The following RIMS2 variants were observed in gnomAD, a reference collection of about 807,000 sequenced individuals.
RIMS2 encodes regulating synaptic membrane exocytosis 2, also known as regulating synaptic membrane exocytosis protein 2.
Under a neutral mutation model 174.4 loss-of-function variants are expected in RIMS2, and 59 were observed. The ratio of observed to expected loss-of-function variants is 0.34; its 90% CI spans 0.27 to 0.42. The LOEUF is 0.42. RIMS2 is among the 10% of genes least tolerant of loss of function. RIMS2 has a pLI of 1.00. For missense variants in RIMS2, 1,620 were observed against 1,666.3 expected (o/e 0.97, Z 0.48); for synonymous variants, 606 against 572.5 (o/e 1.06, Z -0.84).
At chr8:103,717,820 T>C (rs2097392762) in intron 2 of RIMS2, among the ~76,000 whole-genome samples, 1 of 152,218 alleles carries the variant, frequency 6.6e-6, no homozygotes, top group Admixed American at 6.5e-5. Flanking sequence ...TCAGCAATGA[T>C]GAAAATGTTT....
chr8:104,080,957 C>T (rs2097406285), intron 19 of RIMS2, among the ~76,000 whole-genome samples: 1 of 151,982 alleles, frequency 6.6e-6, no homozygotes, highest in South Asian at 2.1e-4. Flanking sequence ...GTGGAAACAT[C>T]TCTATAGCAC....
intron 1 of RIMS2, among the ~76,000 whole-genome samples, chr8:103,526,813 G>A (rs914675830): frequency 2.6e-5 from 4 of 152,116 alleles, no homozygotes; most frequent in Non-Finnish European, 5.9e-5. Flanking sequence ...AGTTTCAGAA[G>A]GAGAGAAGGA....
At chr8:104,047,402 A>G (rs2096713358) in intron 19 of RIMS2, among the ~76,000 whole-genome samples, 1 of 152,156 alleles carries the variant, frequency 6.6e-6, no homozygotes, top group Admixed American at 6.5e-5. Context: ...TATTGGTCTG[A>G]GAAGCAGTAT....
chr8:103,608,037 C>A (rs574019848), intron 1 of RIMS2, among the ~76,000 whole-genome samples: 1 of 148,340 alleles, frequency 6.7e-6, no homozygotes, highest in Non-Finnish European at 1.5e-5. Context: ...TGTTCCGTTG[C>A]TGGTGAGGAA....
chr8:104,134,493 G>T (rs968379374), intron 19 of RIMS2, among the ~76,000 whole-genome samples: 3 of 152,150 alleles, frequency 2.0e-5, no homozygotes, highest in Non-Finnish European at 2.9e-5. Flanking sequence ...TCGATTGAAA[G>T]CTCTGCTTTT....
intron 13 of RIMS2, among the ~76,000 whole-genome samples, chr8:103,939,220 T>C (rs1283076887): frequency 1.3e-5 from 2 of 152,220 alleles, no homozygotes; most frequent in Admixed American, 6.5e-5. Context: ...CAACAAACTT[T>C]TACCTGGACA....
At chr8:103,809,094 T>G (rs992879207) in intron 3 of RIMS2, among the ~76,000 whole-genome samples, 16 of 152,142 alleles carry the variant, frequency 1.1e-4, no homozygotes, top group African/African-American at 3.9e-4. Flanking sequence ...CTCCAGCTAT[T>G]TGATTTCTCC....
intron 13 of RIMS2, 57 bp downstream of exon 15, chr8:103,936,779 T>C (rs2081340249): frequency 1.6e-6 from 2 of 1,266,204 alleles, no homozygotes; most frequent in South Asian, 1.5e-5. Context: ...TACTTTTATT[T>C]ATATAACTGT....
chr8:103,666,898 C>A (rs1380038650), intron 1 of RIMS2, among the ~76,000 whole-genome samples: 1 of 152,150 alleles, frequency 6.6e-6, no homozygotes, highest in East Asian at 1.9e-4. Flanking sequence ...ATGGTGTTCT[C>A]ATAATCATGC....
intron 1 of RIMS2, among the ~76,000 whole-genome samples, chr8:103,584,038 G>T (rs1282281783): frequency 5.3e-5 from 8 of 152,056 alleles, no homozygotes; most frequent in Non-Finnish European, 8.8e-5. Context: ...CTACCTCAAG[G>T]CATTTAATAA....
intron 16 of RIMS2, among the ~76,000 whole-genome samples, chr8:103,979,467 A>T (rs1477988976): frequency 1.3e-5 from 2 of 152,336 alleles, no homozygotes; most frequent in East Asian, 3.9e-4. Flanking sequence ...CAGCAGTTCC[A>T]CTACTGAGTA....
At chr8:104,112,880 A>G (rs1225178245) in intron 19 of RIMS2, among the ~76,000 whole-genome samples, 2 of 152,216 alleles carry the variant, frequency 1.3e-5, no homozygotes, top group East Asian at 1.9e-4. Flanking sequence ...CATTAAAACT[A>G]CTGAACTCAG....
intron 16 of RIMS2, among the ~76,000 whole-genome samples, chr8:103,981,293 G>A (rs775783584): frequency 2.6e-5 from 4 of 152,164 alleles, no homozygotes; most frequent in Non-Finnish European, 5.9e-5. Context: ...AGAGTCTCTG[G>A]TGATCCAGAG....
chr8:103,910,291 C>CTTTTTTT (rs75164936), intron 5 of RIMS2, 30 bp from the exon 8 acceptor site: 2 of 1,284,886 alleles, frequency 1.6e-6, no homozygotes, highest in Non-Finnish European at 1.1e-6. Flanking sequence ...TTTTTTGTAT[C>CTTTTTTT]TTTTTTTTTT....
At position 103,912,046 on chromosome 8, in the gene RIMS2, A is replaced by G. The variant is rs1282579030; in HGVS notation, c.1693-7A>G. On this transcript the variant is annotated splice_region_variant and splice_polypyrimidine_tract_variant and intron_variant, in intron 5 of 23. Coordinates refer to ENST00000504942, the Ensembl canonical transcript of RIMS2. ...TATTTATTTTGTTTGTTGATGCAAA[A>G]TGTCAGCACCCTGTAACCTGGCAAC... The G allele has an allele frequency of 1.3e-6, 2 of 1,535,588 alleles. No individual in the cohort carries two copies. The highest frequency in any genetic ancestry group is 4.6e-5 in the East Asian group (2 of 43,334).
chr8:103,615,052 G>T (rs1460782250), intron 1 of RIMS2, among the ~76,000 whole-genome samples: 4 of 151,812 alleles, frequency 2.6e-5, no homozygotes, highest in Non-Finnish European at 5.9e-5. Context: ...TATATTATTT[G>T]CTCTTACTGG....
chr8:103,712,200 G>T, intron 2 of RIMS2, among the ~76,000 whole-genome samples: 1 of 147,192 alleles, frequency 6.8e-6, no homozygotes, highest in Non-Finnish European at 1.5e-5. Flanking sequence ...AATAGAGACA[G>T]GGTCTCGCCA....
At chr8:103,886,330 T>G (rs2099201157) in intron 4 of RIMS2, 107 bp downstream of exon 7, 5 of 922,266 alleles carry the variant, frequency 5.4e-6, no homozygotes, top group Non-Finnish European at 7.9e-6. Context: ...GTAGCTTTAT[T>G]TTAAAAGTCT....
At chr8:103,932,179 A>G (rs756322224) in intron 12 of RIMS2, among the ~76,000 whole-genome samples, 30 of 152,172 alleles carry the variant, frequency 2.0e-4, no homozygotes, top group Non-Finnish European at 4.0e-4. Context: ...GAGTGCTCTC[A>G]AGATCTCTTT....
Sources: gnomAD v4.1 joint callset for allele counts (sites outside exome capture counted in the v4.1 genomes callset) on GRCh38, gnomAD v4.1.1 for gene constraint, MANE v1.5 for transcripts, NCBI Gene and HGNC (gene_info 2026-07-23, HGNC 2026-07-21) for gene names.